DNAAF5: variants seen among roughly 807,000 people sequenced by gnomAD.
DNAAF5 encodes HEAT repeat containing 2.
Under a neutral mutation model 75.8 loss-of-function variants are expected in DNAAF5, and 64 were observed. That is an observed-to-expected ratio of 0.84 (90% CI 0.69 to 1.04). DNAAF5 has a LOEUF of 1.04. Ranked by LOEUF, DNAAF5 falls within the 50% of genes least tolerant of loss-of-function variation. DNAAF5 has a pLI of 0.00. For synonymous variants in DNAAF5, 657 were observed against 557.2 expected (o/e 1.18, Z -2.52); for missense variants, 1,269 against 1,178.5 (o/e 1.08, Z -1.12).
At chr7:760,308 A>C (rs1782607364) in intron 6 of DNAAF5, among the ~76,000 whole-genome samples, 1 of 152,232 alleles carries the variant, frequency 6.6e-6, no homozygotes, top group South Asian at 2.1e-4. Flanking sequence ...CCCATTGTCT[A>C]GCCAAATAAT....
At chr7:775,507 T>C (rs970192457) in intron 11 of DNAAF5, among the ~76,000 whole-genome samples, 7 of 112,792 alleles carry the variant, frequency 6.2e-5, no homozygotes, top group African/African-American at 2.7e-4. Flanking sequence ...TCTTTAAAAG[T>C]AGGGGTGTGT....
At chr7:732,395 A>G (rs1381788761) in intron 2 of DNAAF5, among the ~76,000 whole-genome samples, 1 of 152,240 alleles carries the variant, frequency 6.6e-6, no homozygotes, top group East Asian at 1.9e-4. Flanking sequence ...TGGGTGACTC[A>G]TGGACTTCGC....
intron 11 of DNAAF5, among the ~76,000 whole-genome samples, chr7:779,416 G>A (rs146581693): frequency 2.0e-4 from 30 of 152,340 alleles, no homozygotes; most frequent in African/African-American, 7.0e-4. Context: ...TGTAAAAAAA[G>A]CATAAATTTG....
At chr7:782,159 C>CGTGGGGTG (rs1385410020) in intron 12 of DNAAF5, among the ~76,000 whole-genome samples, 1 of 152,098 alleles carries the variant, frequency 6.6e-6, no homozygotes, top group Non-Finnish European at 1.5e-5. Context: ...CTCGGATCTT[C>CGTGGGGTG]GCGGCGTGGC....
At position 732,603 on chromosome 7, in the gene DNAAF5, T is replaced by A. The variant is rs190680246; in HGVS notation, c.780+2756T>A. 3,957 of 456,126 alleles carry A rather than the reference T, an allele frequency of 8.7e-3. 61 individuals are homozygous for A. Among genetic ancestry groups the A allele is most frequent in the South Asian group, 0.027 (1,769 of 64,566 alleles). The allele number at this position is 456,126 out of a possible 1,614,324, so 28.3% of individuals were successfully genotyped here. The stretch of plus-strand genomic sequence containing the variant: ...TTTTCAGAGATGAGTGTTTGTCACG[T>A]TCCTGCCAAGTACCTGTTTGCCATT... On this transcript the variant is annotated intron_variant, in intron 2 of 12. Coordinates refer to ENST00000297440, the MANE Select transcript of DNAAF5 (RefSeq NM_017802.4).
intron 9 of DNAAF5, chr7:772,543 T>A (rs990705331): frequency 2.0e-4 from 31 of 152,158 alleles, no homozygotes; most frequent in African/African-American, 7.2e-4. Context: ...CCTCTGTGAA[T>A]AGGAATGTGC....
At chr7:765,849 C>T (rs184878793) in intron 8 of DNAAF5, among the ~76,000 whole-genome samples, 7 of 152,246 alleles carry the variant, frequency 4.6e-5, no homozygotes, top group Non-Finnish European at 8.8e-5. Flanking sequence ...TGTAGGCATA[C>T]GCCACCTGGC....
rs746745698 is a variant in DNAAF5, at chr7:741,437, T to G, written c.996T>G (p.Pro332=). The G allele has an allele frequency of 2.3e-6, 2 of 885,372 alleles. No homozygotes were observed. The highest frequency in any genetic ancestry group is 3.2e-6 in the Non-Finnish European group (2 of 624,390). The allele number at this position is 885,372 out of a possible 1,614,324, so 54.8% of individuals were successfully genotyped here. A position where few individuals can be genotyped will look rare whatever the true frequency, so the allele number is the denominator to read the frequency against. Residue 332 remains proline (P), a synonymous_variant, in exon 4 of 13, where the codon CCT becomes CCG. Coordinates refer to ENST00000297440, the MANE Select transcript of DNAAF5 (RefSeq NM_017802.4). ...EDLKDKLDFA[P]PTPPHYPPHE... is the part of the protein sequence containing the mutation. ...TGAAGGACAAGCTGGACTTTGCCCC[T>G]CCCACCCCACCCCATTACCCTCCAC...
intron 4 of DNAAF5, among the ~76,000 whole-genome samples, chr7:750,244 T>TATCGCACAGCCCAGGC (rs1214344637): frequency 1.6e-4 from 25 of 152,334 alleles, no homozygotes; most frequent in Non-Finnish European, 3.5e-4. Context: ...TCACAGGCTA[T>TATCGCACAGCCCAGGC]ATCGCACAGC....
intron 9 of DNAAF5, chr7:771,228 A>C (rs1047217475): frequency 1.3e-5 from 2 of 152,300 alleles, no homozygotes; most frequent in African/African-American, 4.8e-5. Context: ...CCGAGGGTCT[A>C]GGGCCTCCAG....
At chr7:743,228 T>G (rs998826534) in intron 4 of DNAAF5, among the ~76,000 whole-genome samples, 1 of 151,814 alleles carries the variant, frequency 6.6e-6, no homozygotes, top group Non-Finnish European at 1.5e-5. Context: ...CAAAACAAAT[T>G]AGCTGGGCGT....
intron 12 of DNAAF5, among the ~76,000 whole-genome samples, chr7:782,873 G>A (rs1045302379): frequency 2.2e-5 from 3 of 136,860 alleles, no homozygotes; most frequent in African/African-American, 5.5e-5. Context: ...GCGTGGCCGC[G>A]TCCCCTCACA....
rs1778519524 is a variant in DNAAF5, at chr7:770,497, C to T, written c.1810C>T (p.His604Tyr). 1 of 1,613,686 alleles carries T rather than the reference C, an allele frequency of 6.2e-7. No homozygotes were observed. Among genetic ancestry groups the T allele is most frequent in the Middle Eastern group, 1.7e-4 (1 of 6,056 alleles). ...SGPALGEALP[H>Y]VVPTLRACLQ... ...CCCTGCCCTGGGAGAAGCCCTGCCA[C>T]ACGTCGTGCCCACGCTGAGGGCCTG... The change falls in exon 9 of 13, where the codon CAC (histidine) becomes TAC (tyrosine). Residue 604 changes from histidine to tyrosine, a missense_variant. Coordinates refer to ENST00000297440, the MANE Select transcript of DNAAF5 (RefSeq NM_017802.4).
chr7:769,265 G>C, intron 8 of DNAAF5: 1 of 721,006 alleles, frequency 1.4e-6, no homozygotes, highest in South Asian at 1.5e-5. Flanking sequence ...CCCGGGGCCA[G>C]AGCGCCTCCT....
chr7:753,532 G>A (rs1262633966), intron 4 of DNAAF5, among the ~76,000 whole-genome samples: 4 of 152,344 alleles, frequency 2.6e-5, no homozygotes, highest in East Asian at 1.9e-4. Flanking sequence ...CTTCGCAGCC[G>A]TGTCTCTCAT....
chr7:741,996 T>C (rs1292121876), intron 4 of DNAAF5, among the ~76,000 whole-genome samples: 1 of 152,172 alleles, frequency 6.6e-6, no homozygotes, highest in Non-Finnish European at 1.5e-5. Context: ...CTTCCCACAT[T>C]TGCTCCCTGG....
At chr7:743,229 A>C (rs34353645) in intron 4 of DNAAF5, among the ~76,000 whole-genome samples, 64,472 of 151,788 alleles carry the variant, frequency 0.42, 14,085 homozygotes, top group Non-Finnish European at 0.46. Context: ...AAAACAAATT[A>C]GCTGGGCGTG....
rs79392314 is a variant in DNAAF5, at chr7:731,822, G to T, written c.780+1975G>T. ...TTAGAGACCCTGCACGGCCCTTCAC[G>T]TGAGTTTCGTGTGGAGTCACGGTGC... On this transcript the variant is annotated intron_variant, in intron 2 of 12. Coordinates refer to ENST00000297440, the MANE Select transcript of DNAAF5 (RefSeq NM_017802.4). Among the ~76,000 whole-genome samples, 1,274 of 152,184 alleles carry T rather than the reference G, an allele frequency of 8.4e-3. 25 individuals are homozygous for T. The East Asian group carries it at 0.11, about 13-fold the overall frequency.
chr7:737,418 C>T (rs1380463039), intron 2 of DNAAF5, among the ~76,000 whole-genome samples: 1 of 152,166 alleles, frequency 6.6e-6, no homozygotes, highest in African/African-American at 2.4e-5. Flanking sequence ...TTCATAGGCT[C>T]ATCTTTTAGT....
Sources: gnomAD v4.1 joint callset for allele counts (sites outside exome capture counted in the v4.1 genomes callset) on GRCh38, gnomAD v4.1.1 for gene constraint, MANE v1.5 for transcripts, NCBI Gene and HGNC (gene_info 2026-07-23, HGNC 2026-07-21) for gene names.